Variants in OXSR1 observed in about 807,000 individuals in gnomAD.
The protein encoded by OXSR1 is oxidative stress responsive kinase 1, also known as serine/threonine-protein kinase OSR1.
Under a neutral mutation model 79.8 loss-of-function variants are expected in OXSR1, and 24 were observed. That is an observed-to-expected ratio of 0.30 (90% CI 0.22 to 0.42). The LOEUF is 0.42. OXSR1 is among the 10% of genes least tolerant of loss of function. The pLI, the probability that OXSR1 is intolerant of heterozygous loss-of-function variation, is 1.00. For missense variants in OXSR1, 430 were observed against 618.4 expected (o/e 0.70, Z 3.23); for synonymous variants, 226 against 209.2 (o/e 1.08, Z -0.69).
chr3:38,211,017 A>G (rs1415382379), intron 4 of OXSR1, among the ~76,000 whole-genome samples: 2 of 152,182 alleles, frequency 1.3e-5, no homozygotes, highest in African/African-American at 4.8e-5. Flanking sequence ...ACAAAATTCA[A>G]AGGCCTGCTT....
At chr3:38,182,913 A>G (rs918049505) in intron 1 of OXSR1, 90 bp from the exon 2 acceptor site, 8 of 702,326 alleles carry the variant, frequency 1.1e-5, no homozygotes, top group Non-Finnish European at 1.9e-5. Context: ...CAAGATAAGG[A>G]TTACTCTTGT....
At chr3:38,245,496 GA>G (rs1458386466) in intron 12 of OXSR1, among the ~76,000 whole-genome samples, 1 of 152,104 alleles carries the variant, frequency 6.6e-6, no homozygotes, top group East Asian at 1.9e-4. Context: ...CTCATGCATG[GA>G]AAAATATAGC....
At chr3:38,172,032 T>A (rs1701592310) in intron 1 of OXSR1, among the ~76,000 whole-genome samples, 1 of 152,186 alleles carries the variant, frequency 6.6e-6, no homozygotes, top group Admixed American at 6.5e-5. Context: ...TTATATAGAT[T>A]GAGTGTAATT....
At chr3:38,176,716 G>A (rs1213040760) in intron 1 of OXSR1, among the ~76,000 whole-genome samples, 1 of 152,204 alleles carries the variant, frequency 6.6e-6, no homozygotes, top group East Asian at 1.9e-4. Flanking sequence ...TCTTGCTCAT[G>A]AGAAGATTTG....
At chr3:38,247,842 C>G (rs374048252) in intron 14 of OXSR1, 110 bp downstream of exon 14, 1 of 641,894 alleles carries the variant, frequency 1.6e-6, no homozygotes. Context: ...CCTCCAGCAT[C>G]AAGCTCTGTT....
At chr3:38,208,920 T>A (rs1702322160) in intron 4 of OXSR1, among the ~76,000 whole-genome samples, 1 of 151,556 alleles carries the variant, frequency 6.6e-6, no homozygotes, top group Non-Finnish European at 1.5e-5. Context: ...AAAATAAAAA[T>A]AAAAAAATGC....
rs1033725417 is a variant in OXSR1, at chr3:38,253,117, C to T, written c.*226C>T. ...CCCCAGAGTTCCGTTAGTAAACTTA[C>T]TTCATATGTCCCCTGTCTTCCTCCA... On this transcript the variant is annotated 3_prime_UTR_variant, in exon 18 of 18. Transcript: ENST00000311806. The T allele has an allele frequency of 7.1e-5, 39 of 551,200 alleles. No individual in the cohort carries two copies. The highest frequency in any genetic ancestry group is 6.7e-4 in the African/African-American group (35 of 52,200). The allele number at this position is 551,200 out of a possible 1,614,324, so 34.1% of individuals were successfully genotyped here. A position where few individuals can be genotyped will look rare whatever the true frequency, so the allele number is the denominator to read the frequency against.
chr3:38,180,028 G>A (rs1192681890), intron 1 of OXSR1, among the ~76,000 whole-genome samples: 2 of 152,038 alleles, frequency 1.3e-5, no homozygotes, highest in African/African-American at 4.8e-5. Flanking sequence ...AGATGGTGTT[G>A]ATCTCCTGAC....
chr3:38,199,271 T>C (rs999949009), intron 4 of OXSR1, among the ~76,000 whole-genome samples: 1 of 151,848 alleles, frequency 6.6e-6, no homozygotes, highest in Non-Finnish European at 1.5e-5. Context: ...ATAGCCTTTT[T>C]TCTTTTTTTT....
At chr3:38,197,937 T>G (rs1405062681) in intron 3 of OXSR1, among the ~76,000 whole-genome samples, 1 of 152,222 alleles carries the variant, frequency 6.6e-6, no homozygotes, top group African/African-American at 2.4e-5. Flanking sequence ...TTGCTAATAT[T>G]GTTTTGTTTT....
chr3:38,250,220 A>G, intron 15 of OXSR1: 2 of 539,598 alleles, frequency 3.7e-6, no homozygotes, highest in South Asian at 2.2e-5. Context: ...AATAATACAA[A>G]CAGTAATAAA....
chr3:38,203,521 A>T (rs555551921), intron 4 of OXSR1, among the ~76,000 whole-genome samples: 65 of 152,102 alleles, frequency 4.3e-4, no homozygotes, highest in East Asian at 4.3e-3. Flanking sequence ...TTTAAAAAAA[A>T]TTTTTTTTGT....
At chr3:38,188,071 G>T (rs1701916470) in intron 2 of OXSR1, among the ~76,000 whole-genome samples, 1 of 152,162 alleles carries the variant, frequency 6.6e-6, no homozygotes, top group African/African-American at 2.4e-5. Flanking sequence ...TAGAAGGCAA[G>T]AAAAAGAATA....
chr3:38,191,958 C>T (rs984436313), intron 3 of OXSR1, among the ~76,000 whole-genome samples: 1 of 152,152 alleles, frequency 6.6e-6, no homozygotes, highest in Non-Finnish European at 1.5e-5. Flanking sequence ...GCTGATTAAT[C>T]TGTACTCTAG....
At chr3:38,207,522 G>A (rs1202315533) in intron 4 of OXSR1, among the ~76,000 whole-genome samples, 1 of 152,162 alleles carries the variant, frequency 6.6e-6, no homozygotes, top group African/African-American at 2.4e-5. Context: ...AGCAATACCT[G>A]GAGCCATTTT....
chr3:38,194,419 A>G (rs1235469064), intron 3 of OXSR1, among the ~76,000 whole-genome samples: 3 of 152,076 alleles, frequency 2.0e-5, no homozygotes, highest in Non-Finnish European at 4.4e-5. Flanking sequence ...AAGCTCGTAC[A>G]TGTAGCCCTG....
intron 8 of OXSR1, chr3:38,225,137 C>G (rs1559520052): frequency 6.5e-6 from 1 of 152,834 alleles, no homozygotes; most frequent in Non-Finnish European, 1.5e-5. Context: ...ACCAAAAATT[C>G]AAATAGCTTC....
rs574396854 is a variant in OXSR1 at position 38,168,854 on chromosome 3, T to G, written c.70+2908T>G. Among the ~76,000 whole-genome samples, 104 of 152,348 alleles carry G rather than the reference T, an allele frequency of 6.8e-4. 1 individual carries two copies. The Middle Eastern group carries it at 0.014, about 20-fold the overall frequency. The stretch of plus-strand genomic sequence containing the variant: ...TCTGCCATGTAGTACATGGTTCCTT[T>G]TTATTGGATACCAGTTAATGGGCAT... On this transcript the variant is annotated intron_variant, in intron 1 of 17. Coordinates refer to ENST00000311806, the MANE Select transcript of OXSR1 (RefSeq NM_005109.3).
chr3:38,238,303 C>T (rs973612755), intron 11 of OXSR1, among the ~76,000 whole-genome samples: 7 of 151,860 alleles, frequency 4.6e-5, no homozygotes, highest in Non-Finnish European at 8.8e-5. Flanking sequence ...CATGACCAAA[C>T]GGGTAGGGTG....
Sources: allele counts gnomAD v4.1 joint callset (sites outside exome capture counted in the v4.1 genomes callset), GRCh38; gene constraint gnomAD v4.1.1; transcripts MANE v1.5; gene names NCBI Gene and HGNC (gene_info 2026-07-23, HGNC 2026-07-21).